TTC39B: variants seen among roughly 807,000 people sequenced by gnomAD.
TTC39B encodes the protein tetratricopeptide repeat protein 39B.
In TTC39B, 92 loss-of-function variants were observed where a neutral mutation model predicts 96.6. The observed-to-expected ratio is 0.95, with a 90% CI of 0.80 to 1.13. The LOEUF is 1.13. Among genes scored for constraint, TTC39B ranks in the 50% most tolerant of loss-of-function variants. The pLI is 0.00. For synonymous variants in TTC39B, 367 were observed against 299.4 expected (o/e 1.23, Z -2.33); for missense variants, 955 against 809.3 (o/e 1.18, Z -2.18).
At chr9:15,218,635 A>AAAAAAAAAAAAATATATATATATATAT (rs374054306) in intron 3 of TTC39B, among the ~76,000 whole-genome samples, 2 of 149,530 alleles carry the variant, frequency 1.3e-5, no homozygotes, top group African/African-American at 4.9e-5. Flanking sequence ...GTCTATTTTA[A>AAAAAAAAAAAAATATATATATATATAT]ATATATATAT....
chr9:15,171,786 T>C (rs3802484), exon 20 of TTC39B: 2 of 276,142 alleles, frequency 7.2e-6, no homozygotes, highest in East Asian at 1.3e-4. Flanking sequence ...TAATATGAAA[T>C]TCTTTTGGGG....
rs1243564551 is a variant in TTC39B at position 15,296,205 on chromosome 9, G to A, written c.240+10879C>T. On this transcript the variant is annotated intron_variant, in intron 1 of 19. Transcript: ENST00000512701. ...TGCCCACACGAGCACCGTGGCTCAAGTTGGTTTTCTATCTCAGAACTTAGT... is the reference window on the plus strand; with the variant it reads ...TGCCCACACGAGCACCGTGGCTCAAATTGGTTTTCTATCTCAGAACTTAGT... Among the ~76,000 whole-genome samples the A allele has an allele frequency of 2.0e-5, 3 of 152,188 alleles. No homozygotes were observed. The East Asian group carries it at 5.8e-4, about 29-fold the overall frequency.
In TTC39B at chr9:15,176,722, G is replaced by C. The variant is rs561164037; in HGVS notation, c.1841+975C>G. ...CACTGTGCAAAGCAATAATCAAATA[G>C]AGCTGAGGAGTGTGGCTACACTCTT... On this transcript the variant is annotated intron_variant, in intron 18 of 19. Transcript: ENST00000512701. Among the ~76,000 whole-genome samples the C allele has an allele frequency of 3.7e-4, 56 of 152,248 alleles. 1 individual carries two copies. The highest frequency in any genetic ancestry group is 3.1e-3 in the Admixed American group (47 of 15,300).
chr9:15,225,417 T>C (rs1205907165), intron 3 of TTC39B, among the ~76,000 whole-genome samples: 1 of 152,012 alleles, frequency 6.6e-6, no homozygotes, highest in African/African-American at 2.4e-5. Context: ...ACCAAGATTA[T>C]GCAAAAAATG....
At chr9:15,266,117 C>T (rs546783106) in intron 2 of TTC39B, among the ~76,000 whole-genome samples, 79 of 152,082 alleles carry the variant, frequency 5.2e-4, no homozygotes, top group Non-Finnish European at 7.9e-4. Flanking sequence ...ATGTACCATG[C>T]TAACTTAAGA....
At chr9:15,185,428 C>G in intron 15 of TTC39B, 22 bp from the exon 16 acceptor site, 1 of 1,612,306 alleles carries the variant, frequency 6.2e-7, no homozygotes, top group Non-Finnish European at 8.5e-7. Context: ...CCCAGCCCAG[C>G]CCCAGAGAAA....
At chr9:15,280,586 A>C (rs1022673457) in intron 1 of TTC39B, among the ~76,000 whole-genome samples, 1 of 152,166 alleles carries the variant, frequency 6.6e-6, no homozygotes, top group Non-Finnish European at 1.5e-5. Context: ...ATCACTTACC[A>C]ACTATGTGTG....
chr9:15,289,432 G>A (rs1184776542), intron 1 of TTC39B, among the ~76,000 whole-genome samples: 1 of 152,240 alleles, frequency 6.6e-6, no homozygotes, highest in Non-Finnish European at 1.5e-5. Flanking sequence ...GCCAGGCACT[G>A]AGGCACCAGA....
intron 16 of TTC39B, among the ~76,000 whole-genome samples, chr9:15,184,873 C>A (rs747968870): frequency 6.6e-5 from 10 of 152,158 alleles, no homozygotes; most frequent in Non-Finnish European, 1.5e-4. Flanking sequence ...TCTTGAAATT[C>A]ATTTCTATTT....
intron 1 of TTC39B, among the ~76,000 whole-genome samples, chr9:15,278,070 A>C (rs1237879533): frequency 1.3e-5 from 2 of 152,210 alleles, no homozygotes; most frequent in Non-Finnish European, 2.9e-5. Context: ...AGAGCTAAAA[A>C]AGAAATGAAA....
chr9:15,197,146 G>T (rs948892995), intron 8 of TTC39B, among the ~76,000 whole-genome samples: 4 of 152,170 alleles, frequency 2.6e-5, no homozygotes, highest in Admixed American at 1.3e-4. Context: ...AAACCAAAAA[G>T]TTTGTGTGAC....
intron 2 of TTC39B, among the ~76,000 whole-genome samples, chr9:15,254,650 T>C (rs1050454485): frequency 1.3e-5 from 2 of 152,134 alleles, no homozygotes; most frequent in African/African-American, 4.8e-5. Context: ...AATGTATCGT[T>C]TAAAATACAC....
intron 9 of TTC39B, 91 bp from the exon 10 acceptor site, chr9:15,191,346 A>G (rs1306422226): frequency 1.2e-6 from 1 of 806,706 alleles, no homozygotes; most frequent in Admixed American, 2.8e-5. Flanking sequence ...TAATGCTTCA[A>G]TAACATGAGA....
intron 1 of TTC39B, among the ~76,000 whole-genome samples, chr9:15,271,688 G>A (rs1455256045): frequency 2.6e-5 from 4 of 152,120 alleles, no homozygotes; most frequent in Admixed American, 6.5e-5. Flanking sequence ...ACCAGTCCAC[G>A]GCTCAGGCAT....
chr9:15,186,827 C>T, intron 15 of TTC39B, 117 bp downstream of exon 15: 2 of 883,412 alleles, frequency 2.3e-6, no homozygotes, highest in Non-Finnish European at 3.7e-6. Flanking sequence ...TCCCAAGTAG[C>T]TGGGACTACA....
chr9:15,293,630 A>G (rs971676697), intron 1 of TTC39B, among the ~76,000 whole-genome samples: 2 of 152,246 alleles, frequency 1.3e-5, no homozygotes, highest in African/African-American at 4.8e-5. Context: ...TACCCCAGCC[A>G]GGTGATTTCT....
intron 6 of TTC39B, among the ~76,000 whole-genome samples, chr9:15,206,731 C>T (rs961870004): frequency 2.0e-5 from 3 of 151,700 alleles, no homozygotes; most frequent in African/African-American, 7.3e-5. Flanking sequence ...AGGCTATAGT[C>T]ACAAGTTTAT....
At chr9:15,181,251 T>C (rs764198963) in intron 17 of TTC39B, among the ~76,000 whole-genome samples, 2 of 152,334 alleles carry the variant, frequency 1.3e-5, no homozygotes, top group Non-Finnish European at 1.5e-5. Context: ...TGAATTTCTA[T>C]GCCCTTTACC....
At chr9:15,250,067 T>G in intron 2 of TTC39B, 1 of 1,283,132 alleles carries the variant, frequency 7.8e-7, no homozygotes, top group African/African-American at 1.5e-5. Context: ...AATTTCTATT[T>G]TATTCCTTGG....
Sources: allele counts gnomAD v4.1 joint callset (sites outside exome capture counted in the v4.1 genomes callset), GRCh38; gene constraint gnomAD v4.1.1; transcripts MANE v1.5; gene names NCBI Gene and HGNC (gene_info 2026-07-23, HGNC 2026-07-21).